The following NAV2 variants were observed in gnomAD, a reference collection of about 807,000 sequenced individuals.
The protein encoded by NAV2 is helicase, APC down-regulated 1.
In NAV2, 54 loss-of-function variants were observed where a neutral mutation model predicts 223.2. That is an observed-to-expected ratio of 0.24 (90% CI 0.19 to 0.30). NAV2 has a LOEUF of 0.30. Ranked by LOEUF, NAV2 falls within the 10% of genes least tolerant of loss-of-function variation. The pLI is 1.00. For missense variants in NAV2, 2,806 were observed against 3,147.5 expected (o/e 0.89, Z 2.60); for synonymous variants, 1,279 against 1,239.3 (o/e 1.03, Z -0.67).
At chr11:19,773,961 G>C (rs188242940) in intron 1 of NAV2, among the ~76,000 whole-genome samples, 2 of 152,244 alleles carry the variant, frequency 1.3e-5, no homozygotes, top group East Asian at 3.9e-4. Context: ...ATTAAGAATA[G>C]AGTGTCCTTT....
chr11:19,384,191 G>A (rs1848948510), intron 1 of NAV2, among the ~76,000 whole-genome samples: 1 of 152,188 alleles, frequency 6.6e-6, no homozygotes, highest in Non-Finnish European at 1.5e-5. Context: ...ACGTATATAT[G>A]CAGAAAGAAG....
chr11:20,058,433 C>T (rs1373671115), intron 19 of NAV2, among the ~76,000 whole-genome samples: 3 of 152,134 alleles, frequency 2.0e-5, no homozygotes, highest in Non-Finnish European at 4.4e-5. Context: ...CTATCAGATG[C>T]ATTATGCGAT....
At chr11:19,480,177 A>T (rs544887048) in intron 1 of NAV2, among the ~76,000 whole-genome samples, 2 of 152,114 alleles carry the variant, frequency 1.3e-5, no homozygotes, top group Non-Finnish European at 2.9e-5. Context: ...AAGCAGGTTT[A>T]TTTGCTGCAT....
chr11:19,562,336 G>A (rs538675292), intron 1 of NAV2, among the ~76,000 whole-genome samples: 2 of 152,252 alleles, frequency 1.3e-5, no homozygotes, highest in African/African-American at 4.8e-5. Flanking sequence ...GCTCTCAGAG[G>A]GTGGAAAGTC....
At chr11:19,465,373 C>G (rs1189660405) in intron 1 of NAV2, among the ~76,000 whole-genome samples, 1 of 152,196 alleles carries the variant, frequency 6.6e-6, no homozygotes, top group Non-Finnish European at 1.5e-5. Context: ...AGTCGAATCA[C>G]AGATCTTAAC....
intron 1 of NAV2, among the ~76,000 whole-genome samples, chr11:19,374,798 C>T (rs1005788292): frequency 7.9e-5 from 12 of 152,216 alleles, no homozygotes; most frequent in Admixed American, 3.3e-4. Context: ...GTTTGGCCCA[C>T]CTGGCAATTT....
intron 1 of NAV2, among the ~76,000 whole-genome samples, chr11:19,488,446 A>T (rs192478963): frequency 6.6e-6 from 1 of 152,176 alleles, no homozygotes; most frequent in African/African-American, 2.4e-5. Context: ...CGCATTATGA[A>T]TTATGCTTAA....
intron 6 of NAV2, among the ~76,000 whole-genome samples, chr11:19,900,020 TG>T (rs1396798108): frequency 1.3e-5 from 2 of 152,178 alleles, no homozygotes; most frequent in South Asian, 2.1e-4. Flanking sequence ...TTGGTTAGAG[TG>T]GGTGATAGCC....
chr11:19,401,564 G>A (rs911110199), intron 1 of NAV2, among the ~76,000 whole-genome samples: 1 of 152,202 alleles, frequency 6.6e-6, no homozygotes, highest in Non-Finnish European at 1.5e-5. Context: ...TCAATGTACA[G>A]AACGATGCAG....
chr11:19,372,687 C>T (rs1472081216), intron 1 of NAV2, among the ~76,000 whole-genome samples: 1 of 152,140 alleles, frequency 6.6e-6, no homozygotes, highest in African/African-American at 2.4e-5. Context: ...CAAAATCCTA[C>T]CTTATTTCTA....
At chr11:20,085,195 TA>T (rs5790106) in intron 26 of NAV2, among the ~76,000 whole-genome samples, 36,137 of 144,182 alleles carry the variant, frequency 0.25, 4,878 homozygotes, top group East Asian at 0.6. Context: ...TGTCTCTATT[TA>T]AAAAAAAAAA....
At chr11:19,776,294 G>A (rs551558877) in intron 1 of NAV2, among the ~76,000 whole-genome samples, 1 of 152,298 alleles carries the variant, frequency 6.6e-6, no homozygotes, top group South Asian at 2.1e-4. Flanking sequence ...CCAGATGAGA[G>A]GATGCTGGAC....
intron 1 of NAV2, among the ~76,000 whole-genome samples, chr11:19,831,787 T>G (rs1414917158): frequency 6.6e-6 from 1 of 152,212 alleles, no homozygotes; most frequent in Non-Finnish European, 1.5e-5. Context: ...GGTCAGCCAG[T>G]CTTTGCCTTC....
chr11:19,345,251 G>C, the NAV2 span, among the ~76,000 whole-genome samples: 1 of 152,226 alleles, frequency 6.6e-6, no homozygotes, highest in Non-Finnish European at 1.5e-5. The surrounding 1 kb of genome is among the most constrained non-coding windows in gnomAD (Gnocchi z 5.2). Context: ...AGAAGCGCGG[G>C]CCGGAGTGCA....
intron 1 of NAV2, among the ~76,000 whole-genome samples, chr11:19,692,508 G>A (rs192275185): frequency 6.6e-5 from 10 of 152,304 alleles, no homozygotes; most frequent in Admixed American, 1.3e-4. Context: ...CTGATTAATG[G>A]TATTTTCTGG....
Position 19,996,362 on chromosome 11 carries a change from C to A in NAV2, c.2768+12115C>A, listed in dbSNP as rs1026557499. On this transcript the variant is annotated intron_variant, in intron 11 of 37. Coordinates refer to ENST00000349880, the MANE Select transcript of NAV2 (RefSeq NM_145117.5). ...AAAGCCACTGCATCTGGATTTCTGA[C>A]CTTTAAGCCAGTCCGCCTTCCAGGT... 5.9e-5 allele frequency among the ~76,000 whole-genome samples: 9 copies of A among 152,210 alleles called. No homozygotes were observed. The South Asian group carries it at 6.2e-4, about 11-fold the overall frequency.
In NAV2 at chr11:19,830,306, G is replaced by A. The variant is rs551967260; in HGVS notation, c.268-2178G>A. ...AGGCATGAACCTAGAGTCAGTAGGAGGATGCCACGGAAGGGATGAATAACT... is the reference window on the plus strand; with the variant it reads ...AGGCATGAACCTAGAGTCAGTAGGAAGATGCCACGGAAGGGATGAATAACT... On this transcript the variant is annotated intron_variant, in intron 1 of 37. Transcript: ENST00000349880. Among the ~76,000 whole-genome samples the A allele has an allele frequency of 1.2e-4, 18 of 152,336 alleles. No homozygotes were observed. The South Asian group carries it at 3.7e-3, about 32-fold the overall frequency.
At chr11:19,612,383 A>C (rs1478632454) in intron 1 of NAV2, among the ~76,000 whole-genome samples, 3 of 152,192 alleles carry the variant, frequency 2.0e-5, no homozygotes, top group Non-Finnish European at 4.4e-5. Flanking sequence ...ATCTCTCCCC[A>C]GACAGTGGGT....
At chr11:19,499,150 T>C (rs560652183) in intron 1 of NAV2, among the ~76,000 whole-genome samples, 11 of 152,354 alleles carry the variant, frequency 7.2e-5, no homozygotes, top group Admixed American at 7.2e-4. Flanking sequence ...CTTTGCCACC[T>C]GTGTGGGCTG....
Sources: allele counts gnomAD v4.1 joint callset (sites outside exome capture counted in the v4.1 genomes callset), GRCh38; gene constraint gnomAD v4.1.1; non-coding constraint Gnocchi (gnomAD v3.1); transcripts MANE v1.5; gene names NCBI Gene and HGNC (gene_info 2026-07-23, HGNC 2026-07-21).